The following B3GALNT2 variants were observed in gnomAD, a reference collection of about 807,000 sequenced individuals.
The protein encoded by B3GALNT2 is beta-1,3-N-acetylgalactosaminyltransferase 2.
A neutral mutation model predicts 61.1 loss-of-function variants in B3GALNT2; 53 were observed. The observed-to-expected ratio is 0.87, with a 90% CI of 0.70 to 1.09. The LOEUF (loss-of-function observed/expected upper bound fraction) is 1.09, where lower values mean the gene tolerates loss of function less well. Ranked by LOEUF, B3GALNT2 falls within the 50% of genes least tolerant of loss-of-function variation. The pLI, the probability that B3GALNT2 is intolerant of heterozygous loss-of-function variation, is 0.00. For missense variants in B3GALNT2, 544 were observed against 623.0 expected (o/e 0.87, Z 1.35); for synonymous variants, 223 against 237.4 (o/e 0.94, Z 0.56).
At position 235,465,688 on chromosome 1, in the gene B3GALNT2, T is replaced by C; in HGVS notation, c.789A>G (p.Glu263=). The C allele has an allele frequency of 1.2e-6, 2 of 1,614,038 alleles. No individual in the cohort carries two copies. Among genetic ancestry groups the C allele is most frequent in the East Asian group, 2.2e-5 (1 of 44,868 alleles). Residue 263 remains glutamate, a synonymous_variant, in exon 7 of 12, where the codon GAA becomes GAG. Coordinates refer to ENST00000366600, the MANE Select transcript of B3GALNT2 (RefSeq NM_152490.5). ...CAACTCCCTCCACACCTTCCAAGAA[T>C]TCATGAGGCAATGCACCCTCCCCAG... ...ITAGEGALPH[E]FLEGVEGVAG... is the part of the protein sequence containing the mutation.
chr1:235,485,237 C>T (rs2102845849), intron 3 of B3GALNT2, among the ~76,000 whole-genome samples: 1 of 152,284 alleles, frequency 6.6e-6, no homozygotes, highest in South Asian at 2.1e-4. Context: ...GAATCAAGTC[C>T]CATTTAGTGA....
In B3GALNT2 at chr1:235,504,131, A is replaced by G; in HGVS notation, c.112+10T>C. The G allele has an allele frequency of 9.5e-7, 1 of 1,050,800 alleles. No individual in the cohort carries two copies. Among genetic ancestry groups the G allele is most frequent in the South Asian group, 3.7e-5 (1 of 27,166 alleles). The allele number at this position is 1,050,800 out of a possible 1,614,324, so 65.1% of individuals were successfully genotyped here. On this transcript the variant is annotated intron_variant, in intron 1 of 11. Coordinates refer to ENST00000366600, the MANE Select transcript of B3GALNT2 (RefSeq NM_152490.5). ...GGCGGCCGCCAACCCGCCCGGCCCC[A>G]GGACCTCACCTGCAGGGCCGGCCCC...
chr1:235,448,879 TA>T lies in B3GALNT2; in HGVS notation c.*1326del. Reference sequence around the variant, plus strand: ...AACAAAGGGGGTTTACAACTTGTCCTAAGTATAACAAGGGATGTATTTTTTG... The same window carrying T: ...AACAAAGGGGGTTTACAACTTGTCCTAGTATAACAAGGGATGTATTTTTTG... On this transcript the variant is annotated 3_prime_UTR_variant, in exon 12 of 12. Coordinates refer to ENST00000366600, the MANE Select transcript of B3GALNT2 (RefSeq NM_152490.5). The T allele has an allele frequency of 1.3e-6, 1 of 796,594 alleles. No individual in the cohort carries two copies. The highest frequency in any genetic ancestry group is 2.1e-6 in the Non-Finnish European group (1 of 469,872). 49.3% of individuals were successfully genotyped at this position (796,594 alleles called of 1,614,324 possible).
chr1:235,459,308 T>C (rs573924626), intron 7 of B3GALNT2, among the ~76,000 whole-genome samples: 1 of 152,326 alleles, frequency 6.6e-6, no homozygotes, highest in South Asian at 2.1e-4. Flanking sequence ...ATATCAATTA[T>C]AAAACACTCA....
Position 235,448,307 on chromosome 1 carries a change from G to A in B3GALNT2, c.*1899C>T, listed in dbSNP as rs1369229042. On this transcript the variant is annotated 3_prime_UTR_variant, in exon 12 of 12. Transcript: ENST00000366600. ...ACATGAGCTAGTTTTACAGGTAACT[G>A]TCATTTGAGAGAACGAATGGACTTT... 3 of 1,540,104 alleles carry A rather than the reference G, an allele frequency of 1.9e-6. No individual in the cohort carries two copies. The highest frequency in any genetic ancestry group is 1.4e-5 in the African/African-American group (1 of 72,694).
chr1:235,484,028 T>C (rs1219415790), intron 4 of B3GALNT2, among the ~76,000 whole-genome samples: 1 of 152,220 alleles, frequency 6.6e-6, no homozygotes, highest in African/African-American at 2.4e-5. Flanking sequence ...ACTTTTTTTA[T>C]ATCCATTACC....
Position 235,448,415 on chromosome 1 carries a change from T to G in B3GALNT2, c.*1791A>C. On this transcript the variant is annotated 3_prime_UTR_variant, in exon 12 of 12. Coordinates refer to ENST00000366600, the MANE Select transcript of B3GALNT2 (RefSeq NM_152490.5). ...CTTCTCAAAGTTCCTGTGTCAGACC[T>G]TCTGTTGTCCTATGAAAGTCCCAAA... 6.2e-7 allele frequency: 1 copy of G among 1,614,128 alleles called. No individual in the cohort carries two copies. Among genetic ancestry groups the G allele is most frequent in the Non-Finnish European group, 8.5e-7 (1 of 1,180,020 alleles).
intron 1 of B3GALNT2, among the ~76,000 whole-genome samples, 182 bp from the exon 2 acceptor site, chr1:235,495,010 G>C (rs1685250370): frequency 6.6e-6 from 1 of 152,048 alleles, no homozygotes. Flanking sequence ...ATAACATTTT[G>C]GTTTAGAGTA....
intron 5 of B3GALNT2, among the ~76,000 whole-genome samples, chr1:235,476,271 C>T (rs1345417849): frequency 1.3e-5 from 2 of 152,040 alleles, no homozygotes; most frequent in East Asian, 1.9e-4. Flanking sequence ...ATTAGCCAGG[C>T]GTGATGGCAC....
chr1:235,461,314 T>C (rs1207495083), intron 7 of B3GALNT2, among the ~76,000 whole-genome samples: 2 of 152,156 alleles, frequency 1.3e-5, no homozygotes, highest in African/African-American at 2.4e-5. Flanking sequence ...TTGGGAATGC[T>C]TGCTGAAATG....
chr1:235,504,125 G>T lies in B3GALNT2; in HGVS notation c.112+16C>A. The T allele has an allele frequency of 9.8e-7, 1 of 1,017,372 alleles. No individual in the cohort carries two copies. The highest frequency in any genetic ancestry group is 1.2e-6 in the Non-Finnish European group (1 of 834,418). The allele number at this position is 1,017,372 out of a possible 1,614,324, so 63.0% of individuals were successfully genotyped here. A position where few individuals can be genotyped will look rare whatever the true frequency, so the allele number is the denominator to read the frequency against. On this transcript the variant is annotated intron_variant, in intron 1 of 11. Transcript: ENST00000366600. ...CCCCCCGGCGGCCGCCAACCCGCCCGGCCCCAGGACCTCACCTGCAGGGCC... is the reference window on the plus strand; with the variant it reads ...CCCCCCGGCGGCCGCCAACCCGCCCTGCCCCAGGACCTCACCTGCAGGGCC...
At chr1:235,441,722 G>A in the B3GALNT2 span, 10 of 1,198,526 alleles carry the variant, frequency 8.3e-6, no homozygotes, top group African/African-American at 3.0e-5. Flanking sequence ...AGGCTCTCTG[G>A]ACGCTTACCT....
In B3GALNT2 at chr1:235,504,258, GC is replaced by G. The variant is rs1558450209; in HGVS notation, c.-7del. ...AGCACCAGCCAGTTTCGCATTGGCC[GC>G]CCCCGCCGCGAGCCGGGCTCTCCCG... On this transcript the variant is annotated 5_prime_UTR_variant, in exon 1 of 12. Transcript: ENST00000366600. The G allele has an allele frequency of 6.7e-7, 1 of 1,485,204 alleles. No individual in the cohort carries two copies. Among genetic ancestry groups the G allele is most frequent in the Non-Finnish European group, 8.9e-7 (1 of 1,123,730 alleles). 92.0% of individuals were successfully genotyped at this position (1,485,204 alleles called of 1,614,324 possible).
chr1:235,456,922 C>T (rs1572487369), intron 8 of B3GALNT2, among the ~76,000 whole-genome samples: 1 of 152,048 alleles, frequency 6.6e-6, no homozygotes, highest in East Asian at 1.9e-4. Flanking sequence ...ACTACAGCTG[C>T]CTAAACTTAA....
At position 235,450,246 on chromosome 1, in the gene B3GALNT2, TTCAGTTTCCACAGTTCCG is replaced by T; in HGVS notation, c.1445_1462del (p.Thr482_Leu487del). 6.2e-7 allele frequency: 1 copy of T among 1,614,172 alleles called. No individual in the cohort carries two copies. The highest frequency in any genetic ancestry group is 1.6e-4 in the Middle Eastern group (1 of 6,062). ...TCGACAAGGATCACCGCACCGTTCC[TTCAGTTTCCACAGTTCCG>T]TCAGTTCCCACGGAGAATACTGAGG... On this transcript the variant is annotated inframe_deletion, in exon 12 of 12. Coordinates refer to ENST00000366600, the MANE Select transcript of B3GALNT2 (RefSeq NM_152490.5).
chr1:235,441,602 G>A, the B3GALNT2 span: 1 of 578,000 alleles, frequency 1.7e-6, no homozygotes, highest in Non-Finnish European at 3.1e-6. Context: ...AAGCTACAGA[G>A]TCTGCAGCTC....
intron 1 of B3GALNT2, 90 bp downstream of exon 1, chr1:235,504,051 C>G: frequency 8.4e-7 from 1 of 1,188,508 alleles, no homozygotes; most frequent in Non-Finnish European, 1.0e-6. Context: ...CTTCCCCCGC[C>G]TCCAACAATT....
intron 7 of B3GALNT2, chr1:235,463,932 G>A (rs1326927227): frequency 6.6e-6 from 1 of 152,164 alleles, no homozygotes; most frequent in Non-Finnish European, 1.5e-5. Flanking sequence ...TAAAGACGCA[G>A]ACACATAGAT....
chr1:235,458,030 C>A (rs919366205), intron 8 of B3GALNT2, among the ~76,000 whole-genome samples: 3 of 151,980 alleles, frequency 2.0e-5, no homozygotes, highest in Non-Finnish European at 4.4e-5. Flanking sequence ...CCTCAGCCCC[C>A]CTGAGTGGCT....
Sources: gnomAD v4.1 joint callset for allele counts (sites outside exome capture counted in the v4.1 genomes callset) on GRCh38, gnomAD v4.1.1 for gene constraint, MANE v1.5 for transcripts, NCBI Gene and HGNC (gene_info 2026-07-23, HGNC 2026-07-21) for gene names.